The following PCDH11X variants were observed in gnomAD, a reference collection of about 807,000 sequenced individuals.
The protein encoded by PCDH11X is protocadherin 11 X-linked.
Under a neutral mutation model 53.3 loss-of-function variants are expected in PCDH11X, and 18 were observed. The observed-to-expected ratio is 0.34, with a 90% CI of 0.23 to 0.50. The LOEUF (loss-of-function observed/expected upper bound fraction) is 0.50. PCDH11X is among the 20% of genes least tolerant of loss of function. PCDH11X has a pLI of 0.98. For synonymous variants in PCDH11X, 279 were observed against 393.3 expected (o/e 0.71, Z 3.44); for missense variants, 570 against 1,032.4 (o/e 0.55, Z 6.14).
chrX:92,206,935 G>C (rs2066486828), intron 7 of PCDH11X, among the ~76,000 whole-genome samples: 1 of 111,330 alleles, frequency 9.0e-6, no homozygotes, highest in Non-Finnish European at 1.9e-5. Flanking sequence ...ATGTGGAATT[G>C]TGAAATCATA....
In PCDH11X at chrX:92,309,108, T is replaced by C. The variant is rs531072888; in HGVS notation, c.3144+45965T>C. On this transcript the variant is annotated intron_variant, in intron 8 of 10. Coordinates refer to ENST00000682573, the MANE Select transcript of PCDH11X (RefSeq NM_032968.5). ...GGTTCTTCAAGTAATTAAACAGAAC[T>C]GACATATGATCCAACACATCCACTT... is the stretch of plus-strand genomic sequence containing the variant. Among the ~76,000 whole-genome samples, 4 of 111,945 alleles carry C rather than the reference T, an allele frequency of 3.6e-5. No homozygotes were observed. In the East Asian group the frequency reaches 1.1e-3, roughly 31 times the overall value.
intron 6 of PCDH11X, among the ~76,000 whole-genome samples, chrX:92,106,461 T>A (rs1437137530): frequency 1.8e-5 from 2 of 112,031 alleles, no homozygotes; most frequent in Non-Finnish European, 3.8e-5. Context: ...AATATGTGAA[T>A]ATGGAGCAAA....
intron 10 of PCDH11X, among the ~76,000 whole-genome samples, chrX:92,545,306 C>G (rs2074827271): frequency 9.4e-6 from 1 of 106,440 alleles, no homozygotes; most frequent in African/African-American, 3.4e-5. Flanking sequence ...GAACTTACTA[C>G]ATAAGAGACA....
At chrX:92,208,057 C>T (rs72605192) in intron 7 of PCDH11X, among the ~76,000 whole-genome samples, 17,871 of 107,537 alleles carry the variant, frequency 0.17, 1,313 homozygotes, top group Admixed American at 0.29. Context: ...TAGCTGGGTG[C>T]GGTGGCAGGT....
intron 6 of PCDH11X, among the ~76,000 whole-genome samples, chrX:91,907,247 T>G (rs774078581): frequency 9.5e-6 from 1 of 105,584 alleles, no homozygotes; most frequent in South Asian, 4.4e-4. Flanking sequence ...TAGTTGATCT[T>G]CAGATAGAGA....
chrX:92,155,019 C>T (rs1235432282), intron 6 of PCDH11X, among the ~76,000 whole-genome samples: 1 of 101,566 alleles, frequency 9.8e-6, no homozygotes, highest in Non-Finnish European at 2.0e-5. Flanking sequence ...CACCCTGTAA[C>T]ACATCCCACC....
At chrX:92,387,433 G>A (rs1357489509) in intron 8 of PCDH11X, among the ~76,000 whole-genome samples, 8 of 112,020 alleles carry the variant, frequency 7.1e-5, no homozygotes, top group Non-Finnish European at 1.3e-4. Flanking sequence ...ATTATGATTG[G>A]AATTTCCAGT....
chrX:92,120,964 T>C (rs186110617), intron 6 of PCDH11X, among the ~76,000 whole-genome samples: 1 of 111,282 alleles, frequency 9.0e-6, no homozygotes, highest in East Asian at 2.8e-4. Flanking sequence ...GCTTCCTTTT[T>C]CTGGTTTAGG....
intron 6 of PCDH11X, among the ~76,000 whole-genome samples, chrX:92,031,935 C>CT (rs1485117284): frequency 9.0e-6 from 1 of 111,588 alleles, no homozygotes; most frequent in Non-Finnish European, 1.9e-5. Flanking sequence ...CGGTTTTATT[C>CT]TTTTTTCTCA....
At chrX:92,616,905 A>T (rs1252923405) in intron 10 of PCDH11X, among the ~76,000 whole-genome samples, 2 of 110,677 alleles carry the variant, frequency 1.8e-5, no homozygotes, top group Non-Finnish European at 3.8e-5. Context: ...GATTTTCTTT[A>T]TTTTTTTCAT....
intron 10 of PCDH11X, among the ~76,000 whole-genome samples, chrX:92,564,780 T>G (rs1392536660): frequency 1.8e-5 from 2 of 110,958 alleles, no homozygotes; most frequent in African/African-American, 6.5e-5. Flanking sequence ...GATTTGGTCA[T>G]CAAATTAAAA....
chrX:91,894,640 C>G (rs1197003220), intron 6 of PCDH11X, among the ~76,000 whole-genome samples: 4 of 110,983 alleles, frequency 3.6e-5, no homozygotes, highest in Admixed American at 9.6e-5. Flanking sequence ...AACAATATTC[C>G]AAATATGCCT....
At chrX:92,092,624 A>T (rs2064067250) in intron 6 of PCDH11X, among the ~76,000 whole-genome samples, 1 of 111,395 alleles carries the variant, frequency 9.0e-6, no homozygotes, top group Non-Finnish European at 1.9e-5. Flanking sequence ...TATGAGACAA[A>T]CGTTTGCATT....
chrX:92,407,211 A>G (rs1337333613), intron 9 of PCDH11X, among the ~76,000 whole-genome samples: 1 of 110,768 alleles, frequency 9.0e-6, no homozygotes, highest in Admixed American at 9.7e-5. Context: ...GTTTTGTATG[A>G]ACATTTCACA....
chrX:92,528,943 G>C (rs1410934288), intron 10 of PCDH11X, among the ~76,000 whole-genome samples: 2 of 110,144 alleles, frequency 1.8e-5, no homozygotes, highest in East Asian at 5.8e-4. Flanking sequence ...AAAGGTCACA[G>C]AGGGATATGA....
At chrX:92,159,958 A>C (rs1195101648) in intron 6 of PCDH11X, among the ~76,000 whole-genome samples, 1 of 108,466 alleles carries the variant, frequency 9.2e-6, no homozygotes, top group Admixed American at 1.0e-4. Context: ...TGCTTCCTTA[A>C]TGTTTCAGTT....
chrX:92,036,630 C>T (rs1248777845), intron 6 of PCDH11X, among the ~76,000 whole-genome samples: 6 of 108,131 alleles, frequency 5.5e-5, no homozygotes, highest in African/African-American at 2.0e-4. Flanking sequence ...TTGGGTATGT[C>T]TTTATCATAC....
At chrX:92,208,539 A>ATAT (rs1337601368) in intron 7 of PCDH11X, among the ~76,000 whole-genome samples, 11 of 75,694 alleles carry the variant, frequency 1.5e-4, no homozygotes, top group East Asian at 4.0e-4. Flanking sequence ...ATATATATAC[A>ATAT]ATTTTTTTTA....
intron 8 of PCDH11X, among the ~76,000 whole-genome samples, chrX:92,274,780 C>G (rs752772396): frequency 9.0e-6 from 1 of 110,883 alleles, no homozygotes; most frequent in Non-Finnish European, 1.9e-5. Context: ...CATAGCCTGC[C>G]TTTGCTGGTG....
Sources: allele counts gnomAD v4.1 joint callset (sites outside exome capture counted in the v4.1 genomes callset), GRCh38; gene constraint gnomAD v4.1.1; transcripts MANE v1.5; gene names NCBI Gene and HGNC (gene_info 2026-07-23, HGNC 2026-07-21).